Variants in GLUD1 observed in about 807,000 individuals in gnomAD.
GLUD1 encodes glutamate dehydrogenase 1, mitochondrial.
In GLUD1, 22 loss-of-function variants were observed where a neutral mutation model predicts 56.0. That is an observed-to-expected ratio of 0.39 (90% CI 0.28 to 0.56). The LOEUF is 0.56. Among genes scored for constraint, GLUD1 ranks in the 20% least tolerant of loss-of-function variants. The pLI is 0.58. For missense variants in GLUD1, 451 were observed against 732.0 expected (o/e 0.62, Z 4.43); for synonymous variants, 223 against 269.9 (o/e 0.83, Z 1.70).
In GLUD1 at chr10:87,053,337, C is replaced by T; in HGVS notation, c.1557+5G>A. ...CTGGAAGGCAAACAGCATCTGCACA[C>T]ATACCCTGGCAGAACGCTCCATTGT... On this transcript the variant is annotated splice_donor_5th_base_variant and intron_variant, in intron 12 of 12. Transcript: ENST00000277865. 3.7e-6 allele frequency: 6 copies of T among 1,601,090 alleles called. No homozygotes were observed. Among genetic ancestry groups the T allele is most frequent in the Non-Finnish European group, 5.1e-6 (6 of 1,168,072 alleles).
At chr10:87,061,928 C>T (rs548255128) in intron 6 of GLUD1, among the ~76,000 whole-genome samples, 4 of 152,050 alleles carry the variant, frequency 2.6e-5, no homozygotes, top group South Asian at 2.1e-4. Context: ...GGACTACAGG[C>T]GTGTACCACC....
At chr10:87,052,165 C>T (rs1045455104) in intron 12 of GLUD1, among the ~76,000 whole-genome samples, 1 of 152,086 alleles carries the variant, frequency 6.6e-6, no homozygotes, top group Non-Finnish European at 1.5e-5. Context: ...GACTTGCCAA[C>T]ATGGTAAAAC....
At chr10:87,082,810 C>G (rs1841292442) in intron 1 of GLUD1, among the ~76,000 whole-genome samples, 1 of 152,192 alleles carries the variant, frequency 6.6e-6, no homozygotes, top group Non-Finnish European at 1.5e-5. Flanking sequence ...AAAACAATCT[C>G]CAATAAGACA....
chr10:87,089,472 GGC>G (rs1454958327), intron 1 of GLUD1: 2 of 210,552 alleles, frequency 9.5e-6, no homozygotes, highest in East Asian at 3.7e-4. Flanking sequence ...GTTGCTATAA[GGC>G]ATAGAACTGA....
intron 5 of GLUD1, among the ~76,000 whole-genome samples, chr10:87,063,575 C>T (rs1845992128): frequency 6.6e-6 from 1 of 152,078 alleles, no homozygotes; most frequent in African/African-American, 2.4e-5. Flanking sequence ...AGCATGTCAC[C>T]AAAACAGAGC....
intron 2 of GLUD1, among the ~76,000 whole-genome samples, 166 bp downstream of exon 2, chr10:87,076,410 A>G (rs1466417833): frequency 6.6e-6 from 1 of 152,114 alleles, no homozygotes; most frequent in African/African-American, 2.4e-5. Context: ...AAAAAAGGCT[A>G]TATCTTAATT....
intron 1 of GLUD1, among the ~76,000 whole-genome samples, chr10:87,084,488 T>TA (rs1841336470): frequency 6.6e-6 from 1 of 152,206 alleles, no homozygotes; most frequent in Non-Finnish European, 1.5e-5. Flanking sequence ...CTCATTACTT[T>TA]AAAAAAGATT....
At chr10:87,065,820 G>A (rs1407783533) in intron 5 of GLUD1, among the ~76,000 whole-genome samples, 2 of 152,080 alleles carry the variant, frequency 1.3e-5, no homozygotes, top group Non-Finnish European at 2.9e-5. Flanking sequence ...CACAAAGTAG[G>A]TACTATTACT....
Position 87,094,570 on chromosome 10 carries a change from A to G in GLUD1, c.200T>C (p.Phe67Ser), listed in dbSNP as rs1401755923. 23 of 1,611,714 alleles carry G rather than the reference A, an allele frequency of 1.4e-5. No homozygotes were observed. The highest frequency in any genetic ancestry group is 2.2e-5 in the East Asian group (1 of 44,844). The change falls in exon 1 of 13, where the codon TTC (phenylalanine) becomes TCC (serine). Residue 67 changes from phenylalanine to serine, a missense_variant. Transcript: ENST00000277865. This position sits in a 1 kb window ranked among gnomAD's most constrained non-coding sequence, Gnocchi z 6.6. Reference sequence around the variant, plus strand: ...ATCGAAGAAGCCCTCCACCATCTTGAAGAAGTTGGGGTCGTCCTCGCGGTC... The same window carrying G: ...ATCGAAGAAGCCCTCCACCATCTTGGAGAAGTTGGGGTCGTCCTCGCGGTC... Reference protein sequence around the residue: ...VADREDDPNFFKMVEGFFDRG... With the variant: ...VADREDDPNFSKMVEGFFDRG...
intron 1 of GLUD1, among the ~76,000 whole-genome samples, chr10:87,080,336 G>A (rs988634817): frequency 1.3e-5 from 2 of 152,050 alleles, no homozygotes; most frequent in Admixed American, 6.5e-5. Flanking sequence ...AGTGCCCAGA[G>A]TGCAGCCTCT....
intron 1 of GLUD1, chr10:87,093,805 A>T: frequency 1.5e-6 from 1 of 682,726 alleles, no homozygotes; most frequent in Non-Finnish European, 2.3e-6. Flanking sequence ...TTGGTTAATA[A>T]AACTGTCTAG....
chr10:87,056,418 C>T (rs1390058732), intron 11 of GLUD1, among the ~76,000 whole-genome samples: 3 of 151,666 alleles, frequency 2.0e-5, no homozygotes, highest in Non-Finnish European at 2.9e-5. Flanking sequence ...CTCAGCCTCC[C>T]GAGTAGCTGG....
chr10:87,053,342 C>G lies in GLUD1; in HGVS notation c.1557G>C (p.Arg519Ser). ...GLAYTMERSARQIMRTAMKYN... is the reference protein window; with the variant it reads ...GLAYTMERSASQIMRTAMKYN... ...AGGCAAACAGCATCTGCACACATAC[C>G]CTGGCAGAACGCTCCATTGTGTATG... is the stretch of plus-strand genomic sequence containing the variant. The change falls in exon 12 of 13, where the codon AGG becomes AGC. Residue 519 changes from arginine (R) to serine (S), a missense_variant and splice_region_variant. By Grantham distance (110) the Arg-to-Ser change is moderately radical. This residue lies in a region of GLUD1 where 43 missense variants were observed against 61.6 expected (regional missense o/e 0.70). Coordinates refer to ENST00000277865, the MANE Select transcript of GLUD1 (RefSeq NM_005271.5). The G allele has an allele frequency of 6.2e-7, 1 of 1,603,946 alleles. No homozygotes were observed. Among genetic ancestry groups the G allele is most frequent in the Non-Finnish European group, 8.5e-7 (1 of 1,170,726 alleles).
chr10:87,075,923 A>G (rs1776158346), intron 3 of GLUD1, 45 bp downstream of exon 3: 1 of 1,340,766 alleles, frequency 7.5e-7, no homozygotes, highest in African/African-American at 1.4e-5. Flanking sequence ...CAGAAAAACA[A>G]AAACAACAAC....
chr10:87,051,030 CT>C lies in GLUD1; in HGVS notation c.*720del. The C allele has an allele frequency of 6.4e-6, 1 of 155,706 alleles. No homozygotes were observed. The allele number at this position is 155,706 out of a possible 1,614,324, so 9.6% of individuals were successfully genotyped here. A position where few individuals can be genotyped will look rare whatever the true frequency, so the allele number is the denominator to read the frequency against. On this transcript the variant is annotated 3_prime_UTR_variant, in exon 13 of 13. Coordinates refer to ENST00000277865, the MANE Select transcript of GLUD1 (RefSeq NM_005271.5). ...GAAGATAACTTAATTATCCACAGGG[CT>C]TTTAATGTCTGCTGGACAATACATG...
At position 87,051,378 on chromosome 10, in the gene GLUD1, G is replaced by C; in HGVS notation, c.*373C>G. The C allele has an allele frequency of 5.4e-6, 2 of 368,378 alleles. No individual in the cohort carries two copies. Among genetic ancestry groups the C allele is most frequent in the South Asian group, 4.8e-5 (2 of 41,822 alleles). 22.8% of individuals were successfully genotyped at this position (368,378 alleles called of 1,614,324 possible). A position where few individuals can be genotyped will look rare whatever the true frequency, so the allele number is the denominator to read the frequency against. ...TGTGTTAAAGTTACAGTGTGTCCCA[G>C]ACTCATCCAGAAAAAATAAGCAAGC... On this transcript the variant is annotated 3_prime_UTR_variant, in exon 13 of 13. Transcript: ENST00000277865.
Position 87,094,449 on chromosome 10 carries a change from C to T in GLUD1, c.321G>A (p.Arg107=), listed in dbSNP as rs1350067138. Reference sequence around the variant, plus strand: ...GCACATGGTTGCAGGGCTTGATGATCCGCAGGATGCCGCGCACCCGGTTCC... The same window carrying T: ...GCACATGGTTGCAGGGCTTGATGATTCGCAGGATGCCGCGCACCCGGTTCC... The part of the protein sequence containing the change: ...QKRNRVRGIL[R]IIKPCNHVLS... Residue 107 remains arginine (R), a synonymous_variant, in exon 1 of 13, where the codon CGG becomes CGA. Coordinates refer to ENST00000277865, the MANE Select transcript of GLUD1 (RefSeq NM_005271.5). This position sits in a 1 kb window ranked among gnomAD's most constrained non-coding sequence, Gnocchi z 6.6. 1.2e-6 allele frequency: 2 copies of T among 1,613,758 alleles called. No individual in the cohort carries two copies. Among genetic ancestry groups the T allele is most frequent in the Non-Finnish European group, 1.7e-6 (2 of 1,179,958 alleles).
In GLUD1 at chr10:87,076,634, C is replaced by T. The variant is rs780979729; in HGVS notation, c.468G>A (p.Val156=). The T allele has an allele frequency of 1.0e-5, 16 of 1,605,298 alleles. No individual in the cohort carries two copies. The Admixed American group carries it at 2.2e-4, about 22-fold the overall frequency. ...CKGGIRYSTD[V]SVDEVKALAS... ...CCAAAGCTTTTACTTCATCTACACTCACATCAGTGCTGTAACGGATACCTG... is the reference window on the plus strand; with the variant it reads ...CCAAAGCTTTTACTTCATCTACACTTACATCAGTGCTGTAACGGATACCTG... Residue 156 remains valine, a synonymous_variant, in exon 2 of 13, where the codon GTG becomes GTA. Transcript: ENST00000277865.
chr10:87,075,952 TC>T lies in GLUD1; in HGVS notation c.582+15del. 1 of 1,496,710 alleles carries T rather than the reference TC, an allele frequency of 6.7e-7. No homozygotes were observed. The highest frequency in any genetic ancestry group is 9.3e-7 in the Non-Finnish European group (1 of 1,077,400). The allele number at this position is 1,496,710 out of a possible 1,614,324, so 92.7% of individuals were successfully genotyped here. A position where few individuals can be genotyped will look rare whatever the true frequency, so the allele number is the denominator to read the frequency against. ...CAACAACAACAATAAAAAACAAATATCACTTTCATACTTACAGTATAGTTCT... is the reference window on the plus strand; with the variant it reads ...CAACAACAACAATAAAAAACAAATATACTTTCATACTTACAGTATAGTTCT... On this transcript the variant is annotated intron_variant, in intron 3 of 12. Transcript: ENST00000277865.
Sources: allele counts gnomAD v4.1 joint callset (sites outside exome capture counted in the v4.1 genomes callset), GRCh38; gene constraint gnomAD v4.1.1; regional missense constraint gnomAD v4.1.1; non-coding constraint Gnocchi (gnomAD v3.1); transcripts MANE v1.5; gene names NCBI Gene and HGNC (gene_info 2026-07-23, HGNC 2026-07-21).